PPM1A: variants seen among roughly 807,000 people sequenced by gnomAD.
PPM1A encodes protein phosphatase 1A.
Under a neutral mutation model 35.0 loss-of-function variants are expected in PPM1A, and 7 were observed. The ratio of observed to expected loss-of-function variants is 0.20; its 90% CI spans 0.11 to 0.38. PPM1A has a LOEUF of 0.38. Among genes scored for constraint, PPM1A ranks in the 10% least tolerant of loss-of-function variants. The pLI, the probability that PPM1A is intolerant of heterozygous loss-of-function variation, is 1.00. For missense variants in PPM1A, 239 were observed against 467.8 expected (o/e 0.51, Z 4.51); for synonymous variants, 153 against 167.3 (o/e 0.91, Z 0.66).
rs771167744 is a variant in PPM1A, at chr14:60,283,489, T to G, written c.786T>G (p.Asp262Glu). The part of the protein sequence containing the change: ...DFVRSRLEVT[D>E]DLEKVCNEVV... The stretch of plus-strand genomic sequence containing the variant: ...TAAGATCCAGACTTGAAGTCACTGA[T>G]GACCTTGAGAAAGTTTGCAATGAAG... Residue 262 changes from aspartate (D) to glutamate (E), a missense_variant, in exon 2 of 6, where the codon GAT (aspartate) becomes GAG (glutamate). Physicochemically the swap from Asp to Glu is conservative, Grantham distance 45. Around this residue, in one of 2 missense-constraint regions of PPM1A, gnomAD observed 175 missense variants for 389.2 expected, o/e 0.45. Coordinates refer to ENST00000395076, the MANE Select transcript of PPM1A (RefSeq NM_021003.5). The surrounding 1 kb of genome is among the most constrained non-coding windows in gnomAD (Gnocchi z 6.3). 3.3e-5 allele frequency: 54 copies of G among 1,613,724 alleles called. No homozygotes were observed. Among genetic ancestry groups the G allele is most frequent in the African/African-American group, 2.7e-5 (2 of 74,930 alleles).
chr14:60,259,792 T>C (rs1883539254), intron 1 of PPM1A, among the ~76,000 whole-genome samples: 1 of 152,124 alleles, frequency 6.6e-6, no homozygotes, highest in Non-Finnish European at 1.5e-5. Context: ...ATCTAATTTT[T>C]ATAGTCACTA....
upstream of PPM1A, among the ~76,000 whole-genome samples, chr14:60,246,251 G>A (rs1881779787): frequency 1.3e-5 from 2 of 152,140 alleles, no homozygotes; most frequent in Non-Finnish European, 2.9e-5. Flanking sequence ...TAATTTGGGA[G>A]CAGGAATGTA....
intron 1 of PPM1A, among the ~76,000 whole-genome samples, chr14:60,252,082 C>G (rs1177559709): frequency 6.6e-6 from 1 of 152,194 alleles, no homozygotes; most frequent in Non-Finnish European, 1.5e-5. Flanking sequence ...GCTGAGCAGT[C>G]ACTAAATACC....
chr14:60,249,877 GGGCGGTGGCGGGGA>G lies in PPM1A; in HGVS notation c.-21+206_-21+219del, dbSNP rs575454850. 1.5e-3 allele frequency among the ~76,000 whole-genome samples: 221 copies of G among 151,762 alleles called. 2 individuals carry two copies. The East Asian group carries it at 0.033, about 23-fold the overall frequency. On this transcript the variant is annotated intron_variant, in intron 1 of 5. Coordinates refer to ENST00000395076, the MANE Select transcript of PPM1A (RefSeq NM_021003.5). This position sits in a 1 kb window ranked among gnomAD's most constrained non-coding sequence, Gnocchi z 4.5. ...ACGGCGAGGGGTTAACGCTCGGCGA[GGGCGGTGGCGGGGA>G]GGCGGGGGCGGGGTGTTAGTTGCGG...
At position 60,279,377 on chromosome 14, in the gene PPM1A, A is replaced by C. The variant is rs568757433; in HGVS notation, c.-20-3307A>C. Among the ~76,000 whole-genome samples, 6 of 152,258 alleles carry C rather than the reference A, an allele frequency of 3.9e-5. No homozygotes were observed. The South Asian group carries it at 1.2e-3, about 32-fold the overall frequency. On this transcript the variant is annotated intron_variant, in intron 1 of 5. Transcript: ENST00000395076. Reference sequence around the variant, plus strand: ...ATTAATCCACCCACCTCAGCCTCCCAAAGTGCTGAGATTACAGGCGTGAGC... The same window carrying C: ...ATTAATCCACCCACCTCAGCCTCCCCAAGTGCTGAGATTACAGGCGTGAGC...
At chr14:60,268,494 T>A (rs1884659667) in intron 1 of PPM1A, 1 of 684,168 alleles carries the variant, frequency 1.5e-6, no homozygotes, top group African/African-American at 1.9e-5. Context: ...GACTATTTAG[T>A]GGCTTACCTA....
intron 2 of PPM1A, among the ~76,000 whole-genome samples, chr14:60,284,805 G>GT (rs1420982377): frequency 6.6e-6 from 1 of 151,104 alleles, no homozygotes; most frequent in Non-Finnish European, 1.5e-5. Flanking sequence ...CGTGTACAGG[G>GT]TTTTATACAT....
In PPM1A at chr14:60,295,187, T is replaced by G. The variant is rs192456205; in HGVS notation, c.*2705T>G. On this transcript the variant is annotated 3_prime_UTR_variant, in exon 6 of 6. Coordinates refer to ENST00000395076, the MANE Select transcript of PPM1A (RefSeq NM_021003.5). ...CATTTAAATGTCTTATTTGCTGCTATGAATAGGAAATAACATTTTGTATAG... is the reference window on the plus strand; with the variant it reads ...CATTTAAATGTCTTATTTGCTGCTAGGAATAGGAAATAACATTTTGTATAG... 3 of 151,820 alleles carry G rather than the reference T, an allele frequency of 2.0e-5. No homozygotes were observed. The highest frequency in any genetic ancestry group is 4.4e-5 in the Non-Finnish European group (3 of 67,772). 9.4% of individuals were successfully genotyped at this position (151,820 alleles called of 1,614,324 possible). A position where few individuals can be genotyped will look rare whatever the true frequency, so the allele number is the denominator to read the frequency against.
intron 3 of PPM1A, chr14:60,286,388 T>A: frequency 1.0e-6 from 1 of 985,708 alleles, no homozygotes; most frequent in Non-Finnish European, 1.2e-6. Flanking sequence ...ATATTTCTCA[T>A]AATTCTGCAG....
chr14:60,255,174 G>T (rs9323360), intron 1 of PPM1A, among the ~76,000 whole-genome samples: 8,061 of 53,490 alleles, frequency 0.15, 986 homozygotes, highest in African/African-American at 0.35. Context: ...TTTTTTTTTT[G>T]TTTTGTTTTG....
At chr14:60,288,832 T>C (rs1177743641) in intron 3 of PPM1A, among the ~76,000 whole-genome samples, 1 of 152,044 alleles carries the variant, frequency 6.6e-6, no homozygotes, top group Non-Finnish European at 1.5e-5. Context: ...ACCATAAACA[T>C]TGAAAAACAA....
intron 1 of PPM1A, among the ~76,000 whole-genome samples, chr14:60,261,225 A>G (rs534622395): frequency 9.9e-5 from 15 of 152,272 alleles, no homozygotes; most frequent in South Asian, 2.1e-4. Context: ...GGGCAAAGTG[A>G]TAAGAGCAGG....
chr14:60,291,553 T>G, intron 5 of PPM1A, 99 bp downstream of exon 5: 1 of 874,478 alleles, frequency 1.1e-6, no homozygotes, highest in South Asian at 2.3e-5. Context: ...GTACCCATTC[T>G]CTTACACACA....
intron 1 of PPM1A, among the ~76,000 whole-genome samples, chr14:60,261,727 G>A (rs1883767947): frequency 1.3e-5 from 2 of 152,152 alleles, no homozygotes; most frequent in Admixed American, 1.3e-4. Flanking sequence ...CCAGAAAATG[G>A]AGCTAAATGA....
intron 1 of PPM1A, among the ~76,000 whole-genome samples, chr14:60,276,778 T>G (rs187412352): frequency 6.6e-6 from 1 of 152,322 alleles, no homozygotes; most frequent in Non-Finnish European, 1.5e-5. Context: ...TTTTAAAAAT[T>G]ATTCACTATA....
chr14:60,253,432 G>T (rs1444149545), intron 1 of PPM1A, among the ~76,000 whole-genome samples: 1 of 152,078 alleles, frequency 6.6e-6, no homozygotes, highest in African/African-American at 2.4e-5. Context: ...CCTAAATAAC[G>T]TGCCAGGATC....
intron 1 of PPM1A, among the ~76,000 whole-genome samples, chr14:60,261,042 G>A (rs761718499): frequency 3.3e-5 from 5 of 151,984 alleles, no homozygotes; most frequent in Non-Finnish European, 7.4e-5. Context: ...TCAACTTCCC[G>A]AAAATACCAC....
In PPM1A at chr14:60,282,274, A is replaced by G. The variant is rs1886487979; in HGVS notation, c.-20-410A>G. ...GAAAATTCCTGAATGTTCAACCAAGATATATTTGAGTTAGTAGATTTTTTG... is the reference window on the plus strand; with the variant it reads ...GAAAATTCCTGAATGTTCAACCAAGGTATATTTGAGTTAGTAGATTTTTTG... On this transcript the variant is annotated intron_variant, in intron 1 of 5. Coordinates refer to ENST00000395076, the MANE Select transcript of PPM1A (RefSeq NM_021003.5). This position sits in a 1 kb window ranked among gnomAD's most constrained non-coding sequence, Gnocchi z 5.1. Among the ~76,000 whole-genome samples the G allele has an allele frequency of 9.3e-6, 1 of 107,632 alleles. No individual in the cohort carries two copies. The highest frequency in any genetic ancestry group is 2.8e-4 in the South Asian group (1 of 3,592). The allele number at this position is 107,632 out of a possible 152,430, so 70.6% of individuals were successfully genotyped here.
chr14:60,250,785 G>A (rs1054403560), intron 1 of PPM1A, among the ~76,000 whole-genome samples: 2 of 152,168 alleles, frequency 1.3e-5, no homozygotes, highest in African/African-American at 4.8e-5. Context: ...CATGTGTTGC[G>A]CTCCGAAAAG....
Sources: gnomAD v4.1 joint callset for allele counts (sites outside exome capture counted in the v4.1 genomes callset) on GRCh38, gnomAD v4.1.1 for gene constraint, gnomAD v4.1.1 regional missense constraint, Gnocchi (gnomAD v3.1) non-coding constraint, MANE v1.5 for transcripts, NCBI Gene and HGNC (gene_info 2026-07-23, HGNC 2026-07-21) for gene names.